Variants in SSH1 observed in about 807,000 individuals in gnomAD.
The protein encoded by SSH1 is protein phosphatase Slingshot homolog 1.
SSH1 carries 43 observed loss-of-function variants against 79.7 expected under a neutral mutation model. The ratio of observed to expected loss-of-function variants is 0.54; its 90% confidence interval spans 0.42 to 0.70. The LOEUF (loss-of-function observed/expected upper bound fraction) is 0.70. Ranked by LOEUF, SSH1 falls within the 30% of genes least tolerant of loss-of-function variation. SSH1 has a pLI of 0.00. For synonymous variants in SSH1, 599 were observed against 538.3 expected (o/e 1.11, Z -1.56); for missense variants, 1,206 against 1,358.8 (o/e 0.89, Z 1.77).
rs2036268719 is a variant in SSH1, at chr12:108,786,245, G to A, written c.*1743C>T. On this transcript the variant is annotated 3_prime_UTR_variant, in exon 15 of 15. Transcript: ENST00000326495. Reference sequence around the variant, plus strand: ...TCACTGAGTTAATCTGGCGGACCCAGCTGAGGGCAAGATGGAATTGTGGAA... The same window carrying A: ...TCACTGAGTTAATCTGGCGGACCCAACTGAGGGCAAGATGGAATTGTGGAA... 1 of 152,258 alleles carries A rather than the reference G, an allele frequency of 6.6e-6. No homozygotes were observed. Among genetic ancestry groups the A allele is most frequent in the East Asian group, 1.9e-4 (1 of 5,202 alleles). The allele number at this position is 152,258 out of a possible 1,614,324, so 9.4% of individuals were successfully genotyped here.
chr12:108,813,456 G>A (rs1262669775), intron 5 of SSH1, among the ~76,000 whole-genome samples: 3 of 151,796 alleles, frequency 2.0e-5, no homozygotes, highest in African/African-American at 2.4e-5. Context: ...GCTCATACCT[G>A]TAATCCCAGC....
intron 2 of SSH1, among the ~76,000 whole-genome samples, chr12:108,832,222 G>A (rs970726883): frequency 3.9e-5 from 6 of 151,930 alleles, no homozygotes; most frequent in Admixed American, 6.6e-5. Flanking sequence ...ACTTGAGCCC[G>A]GGAGGCAGAG....
intron 2 of SSH1, chr12:108,826,145 G>A: frequency 2.2e-6 from 1 of 455,378 alleles, no homozygotes; most frequent in South Asian, 1.6e-5. Context: ...CATTAACGAT[G>A]ACCTTTGCCT....
intron 2 of SSH1, among the ~76,000 whole-genome samples, chr12:108,845,980 G>A (rs1268576086): frequency 1.3e-5 from 2 of 152,168 alleles, no homozygotes; most frequent in African/African-American, 4.8e-5. Context: ...TGGTCTGCAG[G>A]GCAATGACAT....
intron 2 of SSH1, among the ~76,000 whole-genome samples, chr12:108,851,172 C>A (rs75679126): frequency 0.013 from 1,983 of 152,272 alleles, 42 homozygotes; most frequent in African/African-American, 0.045. Context: ...AGTCCCCCAG[C>A]GAGGACCCAG....
rs1565977740 is a variant in SSH1, at chr12:108,799,146, G to A, written c.1203C>T (p.Ala401=). 15 of 1,614,094 alleles carry A rather than the reference G, an allele frequency of 9.3e-6. No individual in the cohort carries two copies. Among genetic ancestry groups the A allele is most frequent in the Non-Finnish European group, 1.3e-5 (15 of 1,180,050 alleles). The change falls in exon 13 of 15, where the codon GCC becomes GCT. Residue 401 remains alanine, a synonymous_variant. Coordinates refer to ENST00000326495, the MANE Select transcript of SSH1 (RefSeq NM_018984.4). The part of the protein sequence containing the change: ...VHCKMGVSRS[A]STVIAYAMKE... ...TCATTGCATAGGCTATGACTGTGGAGGCCGAGCGACTCACGCCCATTTTGC... is the reference window on the plus strand; with the variant it reads ...TCATTGCATAGGCTATGACTGTGGAAGCCGAGCGACTCACGCCCATTTTGC...
chr12:108,856,492 C>G (rs1368541053), intron 1 of SSH1, among the ~76,000 whole-genome samples: 10 of 152,212 alleles, frequency 6.6e-5, no homozygotes, highest in Non-Finnish European at 1.0e-4. Flanking sequence ...GTCACAGCCA[C>G]ACAGAAAGAT....
At chr12:108,839,485 T>C (rs770974128) in intron 2 of SSH1, among the ~76,000 whole-genome samples, 3 of 152,132 alleles carry the variant, frequency 2.0e-5, no homozygotes, top group African/African-American at 4.8e-5. Flanking sequence ...TGAAGGCCCC[T>C]TCCTGTGGGA....
In SSH1 at chr12:108,788,053, A is replaced by G; in HGVS notation, c.3085T>C (p.Ser1029Pro). 1 of 1,614,026 alleles carries G rather than the reference A, an allele frequency of 6.2e-7. No individual in the cohort carries two copies. Among genetic ancestry groups the G allele is most frequent in the Non-Finnish European group, 8.5e-7 (1 of 1,180,002 alleles). ...QGTPRDPAAT[S>P]KPSGKPAPEN... Reference sequence around the variant, plus strand: ...GGGGCGGGTTTCCCTGATGGTTTGGAGGTTGCAGCTGGGTCCCTCGGGGTT... The same window carrying G: ...GGGGCGGGTTTCCCTGATGGTTTGGGGGTTGCAGCTGGGTCCCTCGGGGTT... The change falls in exon 15 of 15, where the codon TCC becomes CCC. Residue 1029 changes from serine (S) to proline (P), a missense_variant. By Grantham distance (74) the Ser-to-Pro change is moderately conservative. This residue lies in a region of SSH1 where 709 missense variants were observed against 730.6 expected (regional missense o/e 0.97). Coordinates refer to ENST00000326495, the MANE Select transcript of SSH1 (RefSeq NM_018984.4).
intron 2 of SSH1, among the ~76,000 whole-genome samples, chr12:108,841,032 G>C (rs1343968087): frequency 6.6e-6 from 1 of 152,218 alleles, no homozygotes; most frequent in African/African-American, 2.4e-5. Context: ...TGGTGGGTCT[G>C]AGGACTCATT....
At chr12:108,839,263 G>A (rs112367197) in intron 2 of SSH1, among the ~76,000 whole-genome samples, 7,990 of 152,316 alleles carry the variant, frequency 0.052, 278 homozygotes, top group Non-Finnish European at 0.081. Context: ...GGCCTGGTCA[G>A]GAGTCCCCAG....
chr12:108,818,494 T>A lies in SSH1; in HGVS notation c.215-181A>T, dbSNP rs552911245. On this transcript the variant is annotated intron_variant, in intron 3 of 14. Coordinates refer to ENST00000326495, the MANE Select transcript of SSH1 (RefSeq NM_018984.4). The stretch of plus-strand genomic sequence containing the variant: ...TGAATTTCTCTTACACCACTCTGAA[T>A]ACTGTGCGACGTGGATGGGTGACAT... Among the ~76,000 whole-genome samples the A allele has an allele frequency of 4.6e-5, 7 of 152,364 alleles. No individual in the cohort carries two copies. The South Asian group carries it at 1.4e-3, about 32-fold the overall frequency.
chr12:108,842,406 C>T (rs945146879), intron 2 of SSH1, among the ~76,000 whole-genome samples: 3 of 152,192 alleles, frequency 2.0e-5, no homozygotes, highest in Non-Finnish European at 2.9e-5. Context: ...CCACCAGCCT[C>T]GTGGAACTGG....
At chr12:108,835,941 C>T (rs1344461221) in intron 2 of SSH1, among the ~76,000 whole-genome samples, 51 of 110,656 alleles carry the variant, frequency 4.6e-4, no homozygotes, top group African/African-American at 8.8e-4. Context: ...TCAATTATAA[C>T]TATATTAATA....
intron 2 of SSH1, among the ~76,000 whole-genome samples, chr12:108,841,737 A>T (rs1240433949): frequency 1.3e-5 from 2 of 152,100 alleles, no homozygotes; most frequent in African/African-American, 4.8e-5. Flanking sequence ...GGAACCCTGG[A>T]GGCAGAGGTT....
intron 2 of SSH1, among the ~76,000 whole-genome samples, chr12:108,852,109 A>T (rs1187907986): frequency 6.6e-6 from 1 of 152,126 alleles, no homozygotes; most frequent in Non-Finnish European, 1.5e-5. Context: ...AATAATGGCA[A>T]TTATTTTCCT....
rs142112209 is a variant in SSH1 at position 108,788,768 on chromosome 12, C to G, written c.2370G>C (p.Arg790Ser). The change falls in exon 15 of 15, where the codon AGG becomes AGC. Residue 790 changes from arginine (R) to serine (S), a missense_variant. By Grantham distance (110) the Arg-to-Ser change is moderately radical (BLOSUM62 -1). Coordinates refer to ENST00000326495, the MANE Select transcript of SSH1 (RefSeq NM_018984.4). ...KKDMKPAKDL[R>S]LLFSNESEKP... ...TCTCAGATTCATTACTGAACAGAAG[C>G]CTCAGGTCCTTGGCTGGCTTCATAT... The G allele has an allele frequency of 5.2e-4, 838 of 1,614,244 alleles. 1 individual carries two copies. The highest frequency in any genetic ancestry group is 6.4e-4 in the Non-Finnish European group (761 of 1,180,048).
intron 11 of SSH1, 55 bp downstream of exon 11, chr12:108,802,267 G>A (rs2037047963): frequency 6.5e-7 from 1 of 1,547,852 alleles, no homozygotes; most frequent in Non-Finnish European, 8.9e-7. Context: ...ATGGCAGAGT[G>A]GAGGGTTTCT....
At chr12:108,825,245 C>T (rs956841273) in intron 2 of SSH1, among the ~76,000 whole-genome samples, 1 of 152,140 alleles carries the variant, frequency 6.6e-6, no homozygotes, top group Non-Finnish European at 1.5e-5. Flanking sequence ...TAAATCAATT[C>T]CTGACAGAAA....
Sources: gnomAD v4.1 joint callset for allele counts (sites outside exome capture counted in the v4.1 genomes callset) on GRCh38, gnomAD v4.1.1 for gene constraint, gnomAD v4.1.1 regional missense constraint, MANE v1.5 for transcripts, NCBI Gene and HGNC (gene_info 2026-07-23, HGNC 2026-07-21) for gene names.